Variants in CCNK observed in about 807,000 individuals in gnomAD.
The protein encoded by CCNK is cyclin K, also known as cyclin-K.
Under a neutral mutation model 65.0 loss-of-function variants are expected in CCNK, and 9 were observed. The ratio of observed to expected loss-of-function variants is 0.14; its 90% confidence interval spans 0.08 to 0.24. The LOEUF (loss-of-function observed/expected upper bound fraction) is 0.24, where lower values mean the gene tolerates loss of function less well. CCNK is among the 10% of genes least tolerant of loss of function. The pLI is 1.00. For synonymous variants in CCNK, 279 were observed against 270.8 expected, an observed-to-expected ratio of 1.03 and a Z score of -0.30; for missense variants, 474 against 720.0, an observed-to-expected ratio of 0.66 and a Z score of 3.91.
At chr14:99,507,204 C>T (rs992209286) in intron 10 of CCNK, 57 bp downstream of exon 10, 10 of 1,011,700 alleles carry the variant, frequency 9.9e-6, no homozygotes, top group Admixed American at 3.4e-5. Flanking sequence ...GAATGTTGGA[C>T]GCAGCAGGTC....
chr14:99,506,980 C>A, intron 9 of CCNK, 96 bp from the exon 10 acceptor site: 1 of 825,416 alleles, frequency 1.2e-6, no homozygotes, highest in Non-Finnish European at 2.2e-6. Context: ...TGTTGTTTTT[C>A]TCCCAAAGAA....
chr14:99,508,254 C>T (rs916608834), intron 10 of CCNK: 6 of 152,268 alleles, frequency 3.9e-5, no homozygotes, highest in African/African-American at 1.4e-4. Context: ...TACTTAAATG[C>T]CTGTGGTTGC....
chr14:99,492,645 A>G lies in CCNK; in HGVS notation c.-33A>G. On this transcript the variant is annotated 5_prime_UTR_variant, in exon 2 of 11. Transcript: ENST00000389879. Reference sequence around the variant, plus strand: ...TCATAGGATTCTAACATTTTCAGAGAACCTTTTGGAAAGAACAAGCCTACT... The same window carrying G: ...TCATAGGATTCTAACATTTTCAGAGGACCTTTTGGAAAGAACAAGCCTACT... 2 of 1,553,844 alleles carry G rather than the reference A, an allele frequency of 1.3e-6. No individual in the cohort carries two copies. Among genetic ancestry groups the G allele is most frequent in the Non-Finnish European group, 1.7e-6 (2 of 1,151,570 alleles).
intron 1 of CCNK, among the ~76,000 whole-genome samples, chr14:99,485,315 CTG>C (rs759974631): frequency 2.0e-5 from 3 of 152,212 alleles, no homozygotes; most frequent in Non-Finnish European, 4.4e-5. Context: ...ATTCCTAACA[CTG>C]TTCCCCGTTC....
chr14:99,504,547 T>TTCAAGCAATTCTCCTGCC (rs1896925902), intron 9 of CCNK: 1 of 150,944 alleles, frequency 6.6e-6, no homozygotes, highest in Admixed American at 6.6e-5. Context: ...GCCTCCTGGG[T>TTCAAGCAATTCTCCTGCC]TCAAGCAATT....
intron 10 of CCNK, chr14:99,509,873 A>C: frequency 2.0e-6 from 1 of 498,008 alleles, no homozygotes; most frequent in Admixed American, 3.8e-5. Flanking sequence ...CCAGGGCACA[A>C]GGGGGCTTCG....
chr14:99,482,643 A>T (rs1459262203), intron 1 of CCNK, among the ~76,000 whole-genome samples: 1 of 152,156 alleles, frequency 6.6e-6, no homozygotes, highest in African/African-American at 2.4e-5. Context: ...TTATTCAAGC[A>T]TATTAGTTGA....
intron 5 of CCNK, 88 bp downstream of exon 5, chr14:99,500,959 G>A (rs770970883): frequency 5.2e-5 from 43 of 832,870 alleles, no homozygotes; most frequent in African/African-American, 1.7e-4. Context: ...TCTCAAAAGC[G>A]GAAAACAAAG....
At chr14:99,486,136 A>T (rs1236092243) in intron 1 of CCNK, among the ~76,000 whole-genome samples, 1 of 152,200 alleles carries the variant, frequency 6.6e-6, no homozygotes, top group Non-Finnish European at 1.5e-5. Flanking sequence ...AACTTTCCTT[A>T]GTTCCTTGTC....
intron 9 of CCNK, chr14:99,506,840 G>A: frequency 2.0e-6 from 1 of 494,078 alleles, no homozygotes; most frequent in East Asian, 3.7e-5. Flanking sequence ...AGGTAGACAT[G>A]GAAAATGGGC....
At chr14:99,482,130 T>A (rs1013883906) in intron 1 of CCNK, among the ~76,000 whole-genome samples, 2 of 152,234 alleles carry the variant, frequency 1.3e-5, no homozygotes, top group Non-Finnish European at 2.9e-5. Flanking sequence ...CTGCCCAAGA[T>A]AGGCTCGGTA....
intron 10 of CCNK, chr14:99,508,123 T>C (rs1365092597): frequency 6.6e-6 from 1 of 152,224 alleles, no homozygotes; most frequent in Non-Finnish European, 1.5e-5. Context: ...CCGTAACAGA[T>C]GTGCCACAGA....
chr14:99,501,014 A>T, intron 5 of CCNK, 143 bp downstream of exon 5: 1 of 639,142 alleles, frequency 1.6e-6, no homozygotes, highest in South Asian at 1.9e-5. Context: ...CAGTCAATTC[A>T]GCATTGCAGC....
chr14:99,496,124 C>T (rs184169010), intron 4 of CCNK, among the ~76,000 whole-genome samples: 3 of 152,308 alleles, frequency 2.0e-5, no homozygotes, highest in Admixed American at 6.5e-5. Flanking sequence ...CCTATCTTTT[C>T]CATACAGCTC....
intron 4 of CCNK, 195 bp from the exon 5 acceptor site, chr14:99,500,571 C>T: frequency 3.7e-6 from 2 of 547,022 alleles, no homozygotes; most frequent in Non-Finnish European, 6.4e-6. Flanking sequence ...GCTTTGTCTT[C>T]CTGTTTGAGA....
intron 10 of CCNK, chr14:99,509,532 C>G (rs1398596491): frequency 1.3e-5 from 2 of 152,588 alleles, no homozygotes; most frequent in East Asian, 1.9e-4. Flanking sequence ...CACAGACATG[C>G]AGCACGCACG....
At chr14:99,486,905 A>G (rs1212808544) in intron 1 of CCNK, among the ~76,000 whole-genome samples, 1 of 152,194 alleles carries the variant, frequency 6.6e-6, no homozygotes, top group Non-Finnish European at 1.5e-5. Context: ...AGATTCCCTG[A>G]CAAATATTCA....
intron 2 of CCNK, chr14:99,493,152 C>T (rs1461830943): frequency 2.2e-6 from 1 of 452,062 alleles, no homozygotes. Flanking sequence ...CCTGTAATCC[C>T]AGCACTTTGG....
At chr14:99,483,985 A>G (rs1896419896) in intron 1 of CCNK, among the ~76,000 whole-genome samples, 1 of 152,268 alleles carries the variant, frequency 6.6e-6, no homozygotes, top group Non-Finnish European at 1.5e-5. Flanking sequence ...CTGAAATATA[A>G]TAATAGGCCA....
Sources: allele counts gnomAD v4.1 joint callset (sites outside exome capture counted in the v4.1 genomes callset), GRCh38; gene constraint gnomAD v4.1.1; transcripts MANE v1.5; gene names NCBI Gene and HGNC (gene_info 2026-07-23, HGNC 2026-07-21).